ZHX2: variants seen among roughly 807,000 people sequenced by gnomAD.
ZHX2 encodes zinc fingers and homeoboxes 2, also known as zinc fingers and homeoboxes protein 2.
Under a neutral mutation model 21.9 loss-of-function variants are expected in ZHX2, and 6 were observed. The ratio of observed to expected loss-of-function variants is 0.27; its 90% CI spans 0.15 to 0.54. The LOEUF (loss-of-function observed/expected upper bound fraction) is 0.54. Ranked by LOEUF, ZHX2 falls within the 20% of genes least tolerant of loss-of-function variation. The pLI, the probability that ZHX2 is intolerant of heterozygous loss-of-function variation, is 0.95. For missense variants in ZHX2, 908 were observed against 1,090.7 expected, an observed-to-expected ratio of 0.83 and a Z score of 2.36; for synonymous variants, 434 against 437.1, an observed-to-expected ratio of 0.99 and a Z score of 0.09.
chr8:122,854,823 A>G (rs1818991065), intron 1 of ZHX2, among the ~76,000 whole-genome samples: 1 of 152,142 alleles, frequency 6.6e-6, no homozygotes, highest in Non-Finnish European at 1.5e-5. Context: ...CCCACCCATG[A>G]CACTGTATAG....
chr8:122,790,502 C>G (rs1159214498), intron 1 of ZHX2, among the ~76,000 whole-genome samples: 1 of 152,164 alleles, frequency 6.6e-6, no homozygotes, highest in African/African-American at 2.4e-5. Context: ...CATCTGCTGC[C>G]CATTGTCATG....
intron 2 of ZHX2, among the ~76,000 whole-genome samples, chr8:122,950,392 G>C (rs1405133366): frequency 1.3e-5 from 2 of 152,042 alleles, no homozygotes; most frequent in Non-Finnish European, 2.9e-5. Context: ...ATGGACACAG[G>C]GAGGGGAACG....
intron 2 of ZHX2, among the ~76,000 whole-genome samples, chr8:122,893,474 C>G (rs1183064447): frequency 6.6e-6 from 1 of 152,056 alleles, no homozygotes; most frequent in East Asian, 1.9e-4. Context: ...TTTATAGTAT[C>G]CTATAGGCCC....
intron 1 of ZHX2, among the ~76,000 whole-genome samples, chr8:122,823,601 T>TC (rs1818200469): frequency 6.6e-6 from 1 of 152,210 alleles, no homozygotes; most frequent in Admixed American, 6.5e-5. Context: ...CACTTTCTAC[T>TC]CCGACTGTCT....
intron 2 of ZHX2, among the ~76,000 whole-genome samples, chr8:122,914,962 C>T (rs556821690): frequency 6.6e-6 from 1 of 152,338 alleles, no homozygotes; most frequent in South Asian, 2.1e-4. Context: ...GTCTAGGCTG[C>T]ATCTGTTACG....
At chr8:122,845,209 G>A (rs939058749) in intron 1 of ZHX2, among the ~76,000 whole-genome samples, 9 of 152,278 alleles carry the variant, frequency 5.9e-5, no homozygotes, top group African/African-American at 1.4e-4. Context: ...TAATGTTGTC[G>A]TGAGGATTAG....
At chr8:122,786,037 A>G (rs975606682) in intron 1 of ZHX2, among the ~76,000 whole-genome samples, 1 of 152,236 alleles carries the variant, frequency 6.6e-6, no homozygotes, top group Non-Finnish European at 1.5e-5. Context: ...CAGGGCAAAG[A>G]GAAGACCATG....
At chr8:122,937,891 AT>A (rs562467149) in intron 2 of ZHX2, among the ~76,000 whole-genome samples, 1 of 70,080 alleles carries the variant, frequency 1.4e-5, no homozygotes, top group Non-Finnish European at 3.0e-5. Context: ...CGGATCATCT[AT>A]TTTTTTTATT....
At chr8:122,911,111 C>T (rs998248444) in intron 2 of ZHX2, among the ~76,000 whole-genome samples, 6 of 152,160 alleles carry the variant, frequency 3.9e-5, no homozygotes, top group Admixed American at 6.5e-5. Context: ...TCTACACACA[C>T]GCAGGATGGC....
At chr8:122,895,897 T>C (rs1820088122) in intron 2 of ZHX2, among the ~76,000 whole-genome samples, 1 of 152,204 alleles carries the variant, frequency 6.6e-6, no homozygotes, top group African/African-American at 2.4e-5. Context: ...GAATAAGCTT[T>C]ATTAAGAGTT....
At chr8:122,855,226 A>T (rs1171014337) in intron 1 of ZHX2, among the ~76,000 whole-genome samples, 1 of 152,240 alleles carries the variant, frequency 6.6e-6, no homozygotes, top group Non-Finnish European at 1.5e-5. Flanking sequence ...TGGGTGATGC[A>T]TGTAAATGAC....
chr8:122,862,654 C>T (rs974623368), intron 1 of ZHX2, among the ~76,000 whole-genome samples: 1 of 152,184 alleles, frequency 6.6e-6, no homozygotes, highest in Non-Finnish European at 1.5e-5. Context: ...TTCTTTCCCC[C>T]AGCCAAAAGG....
At chr8:122,893,668 G>A (rs996443887) in intron 2 of ZHX2, among the ~76,000 whole-genome samples, 10 of 152,040 alleles carry the variant, frequency 6.6e-5, no homozygotes, top group Non-Finnish European at 7.4e-5. Context: ...CAAGATTTCT[G>A]TTTGGCTCTT....
intron 1 of ZHX2, among the ~76,000 whole-genome samples, chr8:122,824,751 C>T (rs1372724147): frequency 2.6e-5 from 4 of 152,202 alleles, no homozygotes; most frequent in Non-Finnish European, 5.9e-5. Context: ...TAGAAAACAA[C>T]AGAAATTTGT....
chr8:122,929,512 G>A (rs1424776746), intron 2 of ZHX2, among the ~76,000 whole-genome samples: 4 of 152,054 alleles, frequency 2.6e-5, no homozygotes, highest in African/African-American at 9.7e-5. Context: ...GCATGGTGGT[G>A]CACACCTGTA....
intron 2 of ZHX2, among the ~76,000 whole-genome samples, chr8:122,897,357 G>A (rs1199974312): frequency 6.6e-6 from 1 of 152,182 alleles, no homozygotes; most frequent in Non-Finnish European, 1.5e-5. Context: ...ATGAGTTAGT[G>A]CTTTTGAGCA....
At chr8:122,906,158 T>C (rs10956104) in intron 2 of ZHX2, among the ~76,000 whole-genome samples, 72,505 of 152,092 alleles carry the variant, frequency 0.48, 17,495 homozygotes, top group South Asian at 0.62. Flanking sequence ...TGGTCAAAGA[T>C]TGAGACATAC....
At chr8:122,876,381 A>G (rs1819573312) in intron 2 of ZHX2, among the ~76,000 whole-genome samples, 1 of 152,170 alleles carries the variant, frequency 6.6e-6, no homozygotes, top group African/African-American at 2.4e-5. Flanking sequence ...CCATGACAAT[A>G]TTATTTTAAC....
chr8:122,971,108 A>G (rs998940743), intron 3 of ZHX2, among the ~76,000 whole-genome samples: 3 of 152,270 alleles, frequency 2.0e-5, no homozygotes, highest in African/African-American at 2.4e-5. Context: ...GGGTCTGCCA[A>G]TCACCTGCCA....
Sources: gnomAD v4.1 joint callset for allele counts (sites outside exome capture counted in the v4.1 genomes callset) on GRCh38, gnomAD v4.1.1 for gene constraint, MANE v1.5 for transcripts, NCBI Gene and HGNC (gene_info 2026-07-23, HGNC 2026-07-21) for gene names.